The following SUGCT variants were observed in gnomAD, a reference collection of about 807,000 sequenced individuals.
SUGCT encodes succinyl-CoA:glutarate CoA-transferase.
Under a neutral mutation model 55.0 loss-of-function variants are expected in SUGCT, and 41 were observed. That is an observed-to-expected ratio of 0.74 (90% CI 0.58 to 0.97). The LOEUF (loss-of-function observed/expected upper bound fraction) is 0.97. Among genes scored for constraint, SUGCT ranks in the 50% least tolerant of loss-of-function variants. SUGCT has a pLI of 0.00. For missense variants in SUGCT, 568 were observed against 547.8 expected (o/e 1.04, Z -0.37); for synonymous variants, 187 against 200.4 (o/e 0.93, Z 0.56).
At chr7:40,393,680 C>T (rs897686039) in intron 9 of SUGCT, among the ~76,000 whole-genome samples, 2 of 152,000 alleles carry the variant, frequency 1.3e-5, no homozygotes, top group African/African-American at 4.8e-5. Context: ...CCCAGTGAGT[C>T]CGAAGTCTGG....
intron 9 of SUGCT, among the ~76,000 whole-genome samples, chr7:40,446,856 C>T (rs184481728): frequency 7.6e-4 from 116 of 152,280 alleles, no homozygotes; most frequent in Admixed American, 2.2e-3. Context: ...TCTGTGCTGG[C>T]TAATACAGTA....
intron 12 of SUGCT, among the ~76,000 whole-genome samples, chr7:40,556,548 A>T (rs868234623): frequency 7.2e-5 from 11 of 152,192 alleles, no homozygotes; most frequent in Non-Finnish European, 1.5e-4. Flanking sequence ...TGTTGTGTGA[A>T]TATTTGTAGA....
the SUGCT span, among the ~76,000 whole-genome samples, chr7:40,932,771 T>C: frequency 6.7e-6 from 1 of 148,268 alleles, no homozygotes; most frequent in African/African-American, 2.5e-5. Flanking sequence ...TTTTTTTTGC[T>C]TTCCATTTGC....
the SUGCT span, among the ~76,000 whole-genome samples, chr7:40,908,037 T>A: frequency 6.6e-6 from 1 of 151,674 alleles, no homozygotes; most frequent in Non-Finnish European, 1.5e-5. Context: ...ACATCCAACC[T>A]CAACCTAACA....
At chr7:40,546,408 G>A (rs1275145586) in intron 12 of SUGCT, among the ~76,000 whole-genome samples, 1 of 152,054 alleles carries the variant, frequency 6.6e-6, no homozygotes, top group East Asian at 1.9e-4. Flanking sequence ...TTATATGTTT[G>A]CAAAGTTAAT....
intron 13 of SUGCT, among the ~76,000 whole-genome samples, chr7:40,802,665 T>G (rs1034603250): frequency 6.6e-6 from 1 of 152,190 alleles, no homozygotes; most frequent in African/African-American, 2.4e-5. Flanking sequence ...ACAGAAGCTG[T>G]TCACTTCAGC....
At chr7:40,559,828 G>T (rs566537097) in intron 12 of SUGCT, among the ~76,000 whole-genome samples, 2 of 152,234 alleles carry the variant, frequency 1.3e-5, no homozygotes, top group Non-Finnish European at 2.9e-5. Context: ...CATTTAACAA[G>T]AACTTTTGAA....
chr7:40,958,183 A>G, the SUGCT span, among the ~76,000 whole-genome samples: 2 of 151,790 alleles, frequency 1.3e-5, no homozygotes, highest in Non-Finnish European at 2.9e-5. Flanking sequence ...TGTTCTCTGT[A>G]TTTCCTGAAT....
chr7:41,018,176 G>A, the SUGCT span, among the ~76,000 whole-genome samples: 4 of 151,984 alleles, frequency 2.6e-5, no homozygotes, highest in East Asian at 5.8e-4. Context: ...CCTATGGACC[G>A]CTGCAAGGGG....
At chr7:40,258,389 T>A (rs757640412) in intron 7 of SUGCT, among the ~76,000 whole-genome samples, 1 of 152,208 alleles carries the variant, frequency 6.6e-6, no homozygotes, top group Non-Finnish European at 1.5e-5. Flanking sequence ...TTAATTTTTT[T>A]TCTTTTTGAG....
chr7:40,442,884 C>G (rs938191352), intron 9 of SUGCT, among the ~76,000 whole-genome samples: 1 of 152,014 alleles, frequency 6.6e-6, no homozygotes, highest in African/African-American at 2.4e-5. Context: ...CCCCCCACAC[C>G]ATGACAGGCC....
chr7:40,607,999 C>T (rs142929728), intron 12 of SUGCT, among the ~76,000 whole-genome samples: 3 of 152,288 alleles, frequency 2.0e-5, no homozygotes, highest in African/African-American at 7.2e-5. Flanking sequence ...GGTATTTTGA[C>T]TTGAGGGTCT....
chr7:40,854,159 A>G (rs1352079469), intron 13 of SUGCT, among the ~76,000 whole-genome samples: 3 of 152,160 alleles, frequency 2.0e-5, no homozygotes, highest in Admixed American at 6.5e-5. Flanking sequence ...ACTTTTTTTC[A>G]TAGAGTATCT....
chr7:40,913,290 A>G, the SUGCT span, among the ~76,000 whole-genome samples: 844 of 152,286 alleles, frequency 5.5e-3, 25 homozygotes, highest in East Asian at 0.01. Flanking sequence ...ACGCCATCAC[A>G]TGCCACTATG....
intron 9 of SUGCT, among the ~76,000 whole-genome samples, chr7:40,336,518 T>A (rs1796716350): frequency 6.6e-6 from 1 of 152,208 alleles, no homozygotes; most frequent in South Asian, 2.1e-4. Flanking sequence ...TCTTCTAGAT[T>A]TTCTAGTTTA....
At chr7:40,527,303 A>C (rs1368377532) in intron 12 of SUGCT, among the ~76,000 whole-genome samples, 2 of 152,240 alleles carry the variant, frequency 1.3e-5, no homozygotes, top group Non-Finnish European at 2.9e-5. Flanking sequence ...GTTTATAAAA[A>C]GAGTTGCAGA....
At chr7:40,508,122 A>G (rs138198152) in intron 12 of SUGCT, among the ~76,000 whole-genome samples, 213 of 152,276 alleles carry the variant, frequency 1.4e-3, no homozygotes, top group African/African-American at 4.9e-3. Context: ...CCACTGTACC[A>G]GACTTCTGGG....
the SUGCT span, among the ~76,000 whole-genome samples, chr7:40,927,986 A>G: frequency 5.9e-5 from 9 of 152,082 alleles, no homozygotes; most frequent in Admixed American, 3.3e-4. Flanking sequence ...TCTGGAATCT[A>G]TTGTTGCTAA....
chr7:40,244,200 A>G (rs567414412), intron 7 of SUGCT, among the ~76,000 whole-genome samples: 7 of 152,302 alleles, frequency 4.6e-5, no homozygotes, highest in African/African-American at 1.7e-4. Flanking sequence ...AAAAATATAT[A>G]TAAAGTATAA....
Sources: gnomAD v4.1 joint callset for allele counts (sites outside exome capture counted in the v4.1 genomes callset) on GRCh38, gnomAD v4.1.1 for gene constraint, MANE v1.5 for transcripts, NCBI Gene and HGNC (gene_info 2026-07-23, HGNC 2026-07-21) for gene names.